Variants in SORCS2 observed in about 807,000 individuals in gnomAD.
The protein encoded by SORCS2 is sortilin related VPS10 domain containing receptor 2, also known as VPS10 domain-containing receptor SorCS2.
SORCS2 carries 100 observed loss-of-function variants against 141.6 expected under a neutral mutation model. The observed-to-expected ratio is 0.71, with a 90% CI of 0.60 to 0.83. The LOEUF (loss-of-function observed/expected upper bound fraction) is 0.83. Among genes scored for constraint, SORCS2 ranks in the 40% least tolerant of loss-of-function variants. The pLI is 0.00. For missense variants in SORCS2, 1,646 were observed against 1,560.2 expected, an observed-to-expected ratio of 1.05 and a Z score of -0.93; for synonymous variants, 789 against 676.9, an observed-to-expected ratio of 1.17 and a Z score of -2.57.
intron 3 of SORCS2, among the ~76,000 whole-genome samples, chr4:7,531,930 G>C (rs1371118918): frequency 6.6e-6 from 1 of 152,274 alleles, no homozygotes; most frequent in Non-Finnish European, 1.5e-5. Flanking sequence ...AGGAGCTGTG[G>C]GCCTGGAAGC....
chr4:7,738,117 A>T (rs988532039), intron 26 of SORCS2, among the ~76,000 whole-genome samples: 1 of 152,238 alleles, frequency 6.6e-6, no homozygotes, highest in Non-Finnish European at 1.5e-5. Flanking sequence ...CACGGACTGC[A>T]TCCCTCAGCC....
intron 12 of SORCS2, among the ~76,000 whole-genome samples, chr4:7,701,934 G>T (rs554858556): frequency 6.6e-6 from 1 of 152,146 alleles, no homozygotes; most frequent in Non-Finnish European, 1.5e-5. Context: ...ATGAGGCCCC[G>T]TTAGGCTCTG....
chr4:7,451,628 C>G (rs1227000272), intron 2 of SORCS2, among the ~76,000 whole-genome samples: 1 of 152,250 alleles, frequency 6.6e-6, no homozygotes, highest in African/African-American at 2.4e-5. Flanking sequence ...TAGTGGCATG[C>G]AGTCTGCCCA....
At chr4:7,204,953 C>T (rs1042480842) in intron 1 of SORCS2, among the ~76,000 whole-genome samples, 1 of 152,236 alleles carries the variant, frequency 6.6e-6, no homozygotes. Flanking sequence ...TCTCTTCCTC[C>T]TCTGCTTTTA....
intron 2 of SORCS2, among the ~76,000 whole-genome samples, chr4:7,409,108 T>G (rs559964726): frequency 2.0e-5 from 3 of 152,236 alleles, no homozygotes; most frequent in African/African-American, 7.2e-5. Flanking sequence ...GAGATCATGG[T>G]TCCCTGTTTG....
intron 3 of SORCS2, among the ~76,000 whole-genome samples, chr4:7,546,336 G>A (rs185455192): frequency 6.6e-6 from 1 of 152,240 alleles, no homozygotes; most frequent in Admixed American, 6.5e-5. Context: ...CCCGGCACCG[G>A]CGGGGCTTGC....
chr4:7,671,703 T>C (rs1722807850), intron 8 of SORCS2, among the ~76,000 whole-genome samples: 1 of 152,184 alleles, frequency 6.6e-6, no homozygotes, highest in African/African-American at 2.4e-5. Flanking sequence ...ACGCAGTCTA[T>C]GGGAGCTTTT....
intron 3 of SORCS2, among the ~76,000 whole-genome samples, chr4:7,564,610 G>C (rs1714833527): frequency 6.6e-6 from 1 of 152,208 alleles, no homozygotes; most frequent in Non-Finnish European, 1.5e-5. Flanking sequence ...ATGGAAGGAA[G>C]GCAGCTATGG....
intron 1 of SORCS2, among the ~76,000 whole-genome samples, chr4:7,339,164 C>A (rs998948405): frequency 2.6e-5 from 4 of 152,194 alleles, no homozygotes; most frequent in Admixed American, 1.3e-4. Context: ...ATAGAGAAAA[C>A]CAGCCCATGG....
intron 11 of SORCS2, among the ~76,000 whole-genome samples, 154 bp downstream of exon 11, chr4:7,689,742 T>G (rs1200052218): frequency 3.0e-4 from 46 of 152,258 alleles, no homozygotes; most frequent in Admixed American, 3.0e-3. Context: ...TCAGCTCTCA[T>G]GGCAAATTCC....
chr4:7,520,736 C>T (rs747530015), intron 2 of SORCS2, among the ~76,000 whole-genome samples: 7 of 152,236 alleles, frequency 4.6e-5, no homozygotes, highest in Non-Finnish European at 1.0e-4. Flanking sequence ...GCCCTCTCCG[C>T]CCACAGGGCA....
intron 1 of SORCS2, among the ~76,000 whole-genome samples, chr4:7,234,956 G>A (rs1203699400): frequency 6.6e-6 from 1 of 152,262 alleles, no homozygotes; most frequent in East Asian, 1.9e-4. Flanking sequence ...TGGGCCTGAA[G>A]TCTTGTGGAG....
intron 1 of SORCS2, among the ~76,000 whole-genome samples, chr4:7,314,263 C>T (rs1038586067): frequency 8.6e-5 from 13 of 151,978 alleles, no homozygotes; most frequent in Admixed American, 2.0e-4. Context: ...CAGCGGGATG[C>T]GACATGCAGG....
At chr4:7,621,691 A>C (rs1719204455) in intron 3 of SORCS2, among the ~76,000 whole-genome samples, 1 of 152,196 alleles carries the variant, frequency 6.6e-6, no homozygotes, top group South Asian at 2.1e-4. Context: ...GCTGAACAAA[A>C]TCCCACACAG....
chr4:7,260,940 A>C (rs1714278410), intron 1 of SORCS2, among the ~76,000 whole-genome samples: 2 of 152,172 alleles, frequency 1.3e-5, no homozygotes, highest in African/African-American at 4.8e-5. Flanking sequence ...GTCATCCTTG[A>C]GGCGCTCATA....
At chr4:7,453,192 G>GGT (rs1728598845) in intron 2 of SORCS2, among the ~76,000 whole-genome samples, 1 of 138,122 alleles carries the variant, frequency 7.2e-6, no homozygotes, top group Non-Finnish European at 1.6e-5. Context: ...GTTGGGGTCA[G>GGT]GCTCCGTGTT....
intron 1 of SORCS2, among the ~76,000 whole-genome samples, chr4:7,225,626 G>C (rs1378836818): frequency 1.3e-5 from 2 of 152,154 alleles, no homozygotes; most frequent in African/African-American, 4.8e-5. Context: ...ATTTCCACTT[G>C]AGCTCCAGTG....
intron 1 of SORCS2, among the ~76,000 whole-genome samples, chr4:7,394,567 A>AG (rs1724082643): frequency 9.2e-6 from 1 of 108,244 alleles, no homozygotes; most frequent in Admixed American, 9.0e-5. Context: ...CCTTGTGCAA[A>AG]GGCCCCAAAT....
intron 2 of SORCS2, among the ~76,000 whole-genome samples, chr4:7,525,257 G>A (rs1733598798): frequency 6.6e-6 from 1 of 152,174 alleles, no homozygotes; most frequent in South Asian, 2.1e-4. Flanking sequence ...TCTTGAAAGG[G>A]GTTCTGGGAG....
Sources: allele counts gnomAD v4.1 joint callset (sites outside exome capture counted in the v4.1 genomes callset), GRCh38; gene constraint gnomAD v4.1.1; transcripts MANE v1.5; gene names NCBI Gene and HGNC (gene_info 2026-07-23, HGNC 2026-07-21).